MAP3K3: variants seen among roughly 807,000 people sequenced by gnomAD.
MAP3K3 encodes the protein mitogen-activated protein kinase kinase kinase 3.
In MAP3K3, 12 loss-of-function variants were observed where a neutral mutation model predicts 80.9. That is an observed-to-expected ratio of 0.15 (90% CI 0.10 to 0.24). MAP3K3 has a LOEUF of 0.24. MAP3K3 is among the 10% of genes least tolerant of loss of function. MAP3K3 has a pLI of 1.00. For missense variants in MAP3K3, 596 were observed against 834.7 expected (o/e 0.71, Z 3.52); for synonymous variants, 272 against 307.1 (o/e 0.89, Z 1.19).
chr17:63,631,947 G>A lies in MAP3K3; in HGVS notation c.5-734G>A, dbSNP rs9902300. 7.7e-3 allele frequency among the ~76,000 whole-genome samples: 1,175 copies of A among 152,266 alleles called. 12 individuals are homozygous for A. The highest frequency in any genetic ancestry group is 0.027 in the African/African-American group (1,105 of 41,542). ...CCTTATTTGGTACCTTTTAAAGTGTGCTCTCCTCCTTATGATGCTTTAAGA... is the reference window on the plus strand; with the variant it reads ...CCTTATTTGGTACCTTTTAAAGTGTACTCTCCTCCTTATGATGCTTTAAGA... On this transcript the variant is annotated intron_variant, in intron 1 of 15. Coordinates refer to ENST00000361733, the MANE Select transcript of MAP3K3 (RefSeq NM_002401.5).
intron 2 of MAP3K3, among the ~76,000 whole-genome samples, chr17:63,638,060 C>T (rs1291576096): frequency 2.0e-5 from 3 of 152,142 alleles, no homozygotes; most frequent in Admixed American, 6.5e-5. Context: ...CCTTCTCTTT[C>T]AAGGGTTGTT....
intron 11 of MAP3K3, 75 bp from the exon 12 acceptor site, chr17:63,690,189 C>T: frequency 7.3e-6 from 11 of 1,513,122 alleles, no homozygotes; most frequent in East Asian, 4.5e-5. Flanking sequence ...AGCCAGAGAC[C>T]CTGTTCCTGG....
chr17:63,654,961 G>A (rs1430229095), intron 4 of MAP3K3, among the ~76,000 whole-genome samples: 2 of 152,080 alleles, frequency 1.3e-5, no homozygotes, highest in Admixed American at 6.5e-5. Flanking sequence ...ACTTGAACCC[G>A]AGAGGCGGAG....
chr17:63,642,634 G>T (rs1406860417), intron 2 of MAP3K3, among the ~76,000 whole-genome samples: 1 of 151,868 alleles, frequency 6.6e-6, no homozygotes, highest in Non-Finnish European at 1.5e-5. Context: ...CTCCAGCCTG[G>T]GCAACAGAGT....
intron 6 of MAP3K3, among the ~76,000 whole-genome samples, chr17:63,672,327 A>C (rs1270929911): frequency 6.6e-6 from 1 of 151,736 alleles, no homozygotes; most frequent in Non-Finnish European, 1.5e-5. Flanking sequence ...TAATTTGCAG[A>C]TATTGAGAGA....
chr17:63,644,922 AC>A (rs2034512377), intron 2 of MAP3K3, among the ~76,000 whole-genome samples: 2 of 151,790 alleles, frequency 1.3e-5, no homozygotes, highest in South Asian at 4.2e-4. Context: ...TGCCCATCTT[AC>A]CTTTCTTTTC....
At chr17:63,663,830 T>C (rs564511418) in intron 5 of MAP3K3, among the ~76,000 whole-genome samples, 1 of 152,204 alleles carries the variant, frequency 6.6e-6, no homozygotes, top group Admixed American at 6.6e-5. Flanking sequence ...AATTCCAGGC[T>C]GCGATGAGCT....
At chr17:63,627,748 A>G (rs1039850095) in intron 1 of MAP3K3, among the ~76,000 whole-genome samples, 1 of 151,076 alleles carries the variant, frequency 6.6e-6, no homozygotes, top group African/African-American at 2.4e-5. Context: ...GGCCATGACT[A>G]ATTTTTTGTA....
chr17:63,652,856 C>G (rs919445810), intron 4 of MAP3K3, among the ~76,000 whole-genome samples, 200 bp downstream of exon 4: 15 of 152,206 alleles, frequency 9.9e-5, no homozygotes, highest in Admixed American at 7.9e-4. Context: ...TCTCAGCCAT[C>G]TCCATTCCCC....
In MAP3K3 at chr17:63,691,973, C is replaced by A; in HGVS notation, c.1474+111C>A. 1.6e-6 allele frequency: 2 copies of A among 1,275,872 alleles called. No individual in the cohort carries two copies. The highest frequency in any genetic ancestry group is 2.1e-5 in the Admixed American group (1 of 47,570). 79.0% of individuals were successfully genotyped at this position (1,275,872 alleles called of 1,614,324 possible). A position where few individuals can be genotyped will look rare whatever the true frequency, so the allele number is the denominator to read the frequency against. On this transcript the variant is annotated intron_variant, in intron 14 of 15. Coordinates refer to ENST00000361733, the MANE Select transcript of MAP3K3 (RefSeq NM_002401.5). The surrounding 1 kb of genome is among the most constrained non-coding windows in gnomAD (Gnocchi z 4.8). ...TTCTGAACTTTCTGAAAAGTGGGAC[C>A]CCAGTTGTTTCCCTGAGGAACTGGT...
chr17:63,657,740 T>G (rs2034800501), intron 4 of MAP3K3, 54 bp from the exon 5 acceptor site: 1 of 752,728 alleles, frequency 1.3e-6, no homozygotes, highest in Non-Finnish European at 2.3e-6. Context: ...AAGTGAAACA[T>G]TGAGATAAAC....
chr17:63,644,613 C>T (rs2034506141), intron 2 of MAP3K3, among the ~76,000 whole-genome samples: 1 of 152,180 alleles, frequency 6.6e-6, no homozygotes, highest in Non-Finnish European at 1.5e-5. Flanking sequence ...AGCAAAAGCT[C>T]TTTGGGGTCT....
At chr17:63,631,881 G>C (rs922446000) in intron 1 of MAP3K3, among the ~76,000 whole-genome samples, 1 of 152,114 alleles carries the variant, frequency 6.6e-6, no homozygotes, top group Non-Finnish European at 1.5e-5. Context: ...TCAAATGCTA[G>C]GCTTGTAAAA....
At chr17:63,634,215 G>A (rs1032053913) in intron 2 of MAP3K3, among the ~76,000 whole-genome samples, 4 of 152,194 alleles carry the variant, frequency 2.6e-5, no homozygotes, top group Non-Finnish European at 4.4e-5. Context: ...CATTTTACCA[G>A]AAGTGAGTCC....
chr17:63,640,938 C>T (rs2034428795), intron 2 of MAP3K3, among the ~76,000 whole-genome samples: 2 of 152,206 alleles, frequency 1.3e-5, no homozygotes, highest in East Asian at 1.9e-4. Flanking sequence ...GTAGTACTGT[C>T]TCAGACACCC....
At chr17:63,642,997 A>G (rs1026061768) in intron 2 of MAP3K3, among the ~76,000 whole-genome samples, 9 of 151,890 alleles carry the variant, frequency 5.9e-5, no homozygotes, top group South Asian at 4.2e-4. Flanking sequence ...GGCTCAAGCA[A>G]TCCTCAAACC....
At position 63,622,643 on chromosome 17, in the gene MAP3K3, CG is replaced by C; in HGVS notation, c.-116del. 1.4e-5 allele frequency: 3 copies of C among 215,584 alleles called. No individual in the cohort carries two copies. The highest frequency in any genetic ancestry group is 2.7e-5 in the Non-Finnish European group (3 of 112,732). 13.4% of individuals were successfully genotyped at this position (215,584 alleles called of 1,614,324 possible). On this transcript the variant is annotated 5_prime_UTR_variant, in exon 1 of 16. It removes the in-frame stop codon of an upstream open reading frame in the 5' UTR. Transcript: ENST00000361733. ...CGGCGGGGGCCCAGAGCGCAGCCCG[CG>C]CCCCCCGCGCGGAGCCAGGCCCGCT...
intron 6 of MAP3K3, among the ~76,000 whole-genome samples, chr17:63,670,586 CAAA>C (rs756058538): frequency 3.9e-4 from 31 of 79,930 alleles, no homozygotes; most frequent in African/African-American, 1.1e-3. Flanking sequence ...GACTCTGTCT[CAAA>C]AAAAAAAAAA....
Position 63,691,247 on chromosome 17 carries a change from G to A in MAP3K3, c.1344+14G>A, listed in dbSNP as rs1442746993. The A allele has an allele frequency of 6.2e-7, 1 of 1,613,964 alleles. No homozygotes were observed. The highest frequency in any genetic ancestry group is 2.2e-5 in the East Asian group (1 of 44,884). ...TACATGCCAGGGGTACGTGCCCCTT[G>A]AATGCATGTGAGACACACACAAAAG... is the stretch of plus-strand genomic sequence containing the variant. On this transcript the variant is annotated intron_variant, in intron 13 of 15. Transcript: ENST00000361733. This position sits in a 1 kb window ranked among gnomAD's most constrained non-coding sequence, Gnocchi z 4.8.
Sources: gnomAD v4.1 joint callset for allele counts (sites outside exome capture counted in the v4.1 genomes callset) on GRCh38, gnomAD v4.1.1 for gene constraint, Gnocchi (gnomAD v3.1) non-coding constraint, MANE v1.5 for transcripts, NCBI Gene and HGNC (gene_info 2026-07-23, HGNC 2026-07-21) for gene names.